NFIB: variants seen among roughly 807,000 people sequenced by gnomAD.
The protein encoded by NFIB is nuclear factor 1 B-type.
Under a neutral mutation model 61.5 loss-of-function variants are expected in NFIB, and 11 were observed. That is an observed-to-expected ratio of 0.18 (90% CI 0.11 to 0.30). NFIB has a LOEUF of 0.30. Among genes scored for constraint, NFIB ranks in the 10% least tolerant of loss-of-function variants. NFIB has a pLI of 1.00. For synonymous variants in NFIB, 260 were observed against 216.5 expected (o/e 1.20, Z -1.76); for missense variants, 471 against 608.9 (o/e 0.77, Z 2.38).
Position 14,344,356 on chromosome 9 carries a change from C to G in NFIB, c.109-36836G>C, listed in dbSNP as rs183390729. On this transcript the variant is annotated intron_variant, in intron 1 of 8. Coordinates refer to the NFIB transcript ENST00000380934. ...GGGAGACTTGGCAGGTCGACAGGAG[C>G]AGCCGGGCCAGGCAGTAACTGCACT... 2.1e-4 allele frequency among the ~76,000 whole-genome samples: 32 copies of G among 151,684 alleles called. No homozygotes were observed. In the East Asian group the frequency reaches 5.8e-3, roughly 28 times the overall value.
At chr9:14,509,838 T>A in the NFIB span, among the ~76,000 whole-genome samples, 1 of 152,168 alleles carries the variant, frequency 6.6e-6, no homozygotes, top group Non-Finnish European at 1.5e-5. Context: ...TTGGAGCATT[T>A]TTGAGAAAGC....
chr9:14,445,324 G>T, the NFIB span, among the ~76,000 whole-genome samples: 1 of 151,884 alleles, frequency 6.6e-6, no homozygotes, highest in South Asian at 2.1e-4. Flanking sequence ...AGAATCTACA[G>T]TACAAGTTTG....
At chr9:14,134,581 G>A (rs887027596) in intron 6 of NFIB, among the ~76,000 whole-genome samples, 1 of 152,054 alleles carries the variant, frequency 6.6e-6, no homozygotes, top group Non-Finnish European at 1.5e-5. Flanking sequence ...CCAAAGTGTG[G>A]CATATTATGT....
intron 1 of NFIB, among the ~76,000 whole-genome samples, chr9:14,364,355 A>G (rs1377569598): frequency 6.6e-6 from 1 of 152,134 alleles, no homozygotes; most frequent in East Asian, 1.9e-4. Flanking sequence ...CCTTTCCTTG[A>G]TGAACTCCCT....
chr9:14,113,083 T>C lies in NFIB; in HGVS notation c.1385-2A>G. 6.5e-7 allele frequency: 1 copy of C among 1,548,408 alleles called. No homozygotes were observed. Among genetic ancestry groups the C allele is most frequent in the Non-Finnish European group, 8.7e-7 (1 of 1,146,068 alleles). ...GAGATGTGCCTGAGGCTGTGTAGGC[T>C]GATTAAGGAAGAACAAAAACAAAGA... On this transcript the variant is annotated splice_acceptor_variant, in intron 9 of 10. Coordinates refer to ENST00000380953, the MANE Select transcript of NFIB (RefSeq NM_001190737.2). LOFTEE classifies it high-confidence loss of function.
At chr9:14,164,282 T>C (rs1194972347) in intron 3 of NFIB, among the ~76,000 whole-genome samples, 1 of 152,104 alleles carries the variant, frequency 6.6e-6, no homozygotes, top group Non-Finnish European at 1.5e-5. Flanking sequence ...AATGTGTTAA[T>C]AGGCAATTTC....
At chr9:14,470,666 G>A in the NFIB span, among the ~76,000 whole-genome samples, 1 of 152,102 alleles carries the variant, frequency 6.6e-6, no homozygotes, top group Non-Finnish European at 1.5e-5. Flanking sequence ...GCAATGATTA[G>A]CATCTTGTAG....
At chr9:14,349,300 A>C (rs1280685069) in intron 1 of NFIB, among the ~76,000 whole-genome samples, 7 of 152,128 alleles carry the variant, frequency 4.6e-5, no homozygotes, top group Non-Finnish European at 1.5e-5. Context: ...GTCTCATTTG[A>C]GGAGCACACG....
At chr9:14,177,954 A>G (rs545541781) in intron 3 of NFIB, among the ~76,000 whole-genome samples, 1 of 152,194 alleles carries the variant, frequency 6.6e-6, no homozygotes, top group Non-Finnish European at 1.5e-5. Context: ...GCTCAAGTAG[A>G]GAACAGTTTT....
At chr9:14,172,736 C>CT (rs2045705804) in intron 3 of NFIB, among the ~76,000 whole-genome samples, 5 of 151,996 alleles carry the variant, frequency 3.3e-5, no homozygotes, top group African/African-American at 1.2e-4. Flanking sequence ...GGTATGTCAT[C>CT]TTAAGCCTTT....
intron 1 of NFIB, among the ~76,000 whole-genome samples, chr9:14,387,861 A>G (rs2061566950): frequency 6.6e-6 from 1 of 152,184 alleles, no homozygotes; most frequent in African/African-American, 2.4e-5. Flanking sequence ...GAAAGATAAT[A>G]CTCATAGAGC....
chr9:14,422,301 A>C, the NFIB span, among the ~76,000 whole-genome samples: 3 of 152,170 alleles, frequency 2.0e-5, no homozygotes, highest in African/African-American at 7.2e-5. Flanking sequence ...TAGAACACTG[A>C]TCAGTTGAAA....
At chr9:14,235,717 C>T (rs2053670534) in intron 2 of NFIB, among the ~76,000 whole-genome samples, 1 of 152,164 alleles carries the variant, frequency 6.6e-6, no homozygotes, top group Admixed American at 6.5e-5. Context: ...AAAGAATGAA[C>T]AACCTTTTGT....
chr9:14,346,287 G>A (rs985544014), intron 1 of NFIB, among the ~76,000 whole-genome samples: 1 of 92,778 alleles, frequency 1.1e-5, no homozygotes, highest in Admixed American at 1.2e-4. Flanking sequence ...CGAGGTAACC[G>A]ACACCCCCCC....
intron 2 of NFIB, among the ~76,000 whole-genome samples, chr9:14,237,188 A>C (rs2053826683): frequency 6.6e-6 from 1 of 152,218 alleles, no homozygotes; most frequent in South Asian, 2.1e-4. Flanking sequence ...TGAAATTCCT[A>C]AAAGGCTACG....
At chr9:14,521,629 C>CA in the NFIB span, among the ~76,000 whole-genome samples, 106,356 of 152,044 alleles carry the variant, frequency 0.7, 37,994 homozygotes, top group Non-Finnish European at 0.76. Flanking sequence ...CTGAAAAATG[C>CA]AAAAACAGCT....
intron 2 of NFIB, among the ~76,000 whole-genome samples, chr9:14,221,240 A>T (rs988373319): frequency 6.6e-6 from 1 of 152,174 alleles, no homozygotes; most frequent in African/African-American, 2.4e-5. Context: ...TCCAGATTCC[A>T]AAGTTTCCTA....
intron 2 of NFIB, among the ~76,000 whole-genome samples, chr9:14,193,143 C>A (rs1380572543): frequency 1.3e-5 from 2 of 150,882 alleles, no homozygotes; most frequent in Non-Finnish European, 2.9e-5. Context: ...AAAAAGGCAA[C>A]TAGATGCTCA....
intron 9 of NFIB, among the ~76,000 whole-genome samples, chr9:14,114,013 A>G (rs1309553991): frequency 6.6e-6 from 1 of 152,152 alleles, no homozygotes; most frequent in Admixed American, 6.5e-5. Flanking sequence ...ATATTACCAT[A>G]TATTACCTTT....
Sources: allele counts gnomAD v4.1 joint callset (sites outside exome capture counted in the v4.1 genomes callset), GRCh38; gene constraint gnomAD v4.1.1; transcripts MANE v1.5; gene names NCBI Gene and HGNC (gene_info 2026-07-23, HGNC 2026-07-21).